SRRM2: variants seen among roughly 807,000 people sequenced by gnomAD.
SRRM2 encodes serine/arginine repetitive matrix protein 2.
SRRM2 carries 30 observed loss-of-function variants against 213.8 expected under a neutral mutation model. The observed-to-expected ratio is 0.14, with a 90% CI of 0.10 to 0.19. The LOEUF (loss-of-function observed/expected upper bound fraction) is 0.19. Among genes scored for constraint, SRRM2 ranks in the 10% least tolerant of loss-of-function variants. SRRM2 has a pLI of 1.00. For missense variants in SRRM2, 4,904 were observed against 3,647.0 expected, an observed-to-expected ratio of 1.34 and a Z score of -8.88; for synonymous variants, 2,025 against 1,377.7, an observed-to-expected ratio of 1.47 and a Z score of -10.40.
At position 2,766,630 on chromosome 16, in the gene SRRM2, G is replaced by A. The variant is rs141536792; in HGVS notation, c.6102G>A (p.Thr2034=). 6.8e-6 allele frequency: 11 copies of A among 1,612,956 alleles called. No homozygotes were observed. Among genetic ancestry groups the A allele is most frequent in the Admixed American group, 5.0e-5 (3 of 59,892 alleles). ...TTCGGCGCCGCTCTAGATCTCGAACGCCACTGTTACCACGCAAACGTTCTC... is the reference window on the plus strand; with the variant it reads ...TTCGGCGCCGCTCTAGATCTCGAACACCACTGTTACCACGCAAACGTTCTC... ...PAIRRRSRSR[T]PLLPRKRSRS... Residue 2034 remains threonine, a synonymous_variant, in exon 11 of 15, where the codon ACG becomes ACA. Coordinates refer to ENST00000301740, the MANE Select transcript of SRRM2 (RefSeq NM_016333.4). This position sits in a 1 kb window ranked among gnomAD's most constrained non-coding sequence, Gnocchi z 7.0.
chr16:2,759,328 T>C (rs1204484407), intron 7 of SRRM2, 24 bp from the exon 8 acceptor site: 6 of 1,609,966 alleles, frequency 3.7e-6, no homozygotes, highest in Admixed American at 1.7e-5. Flanking sequence ...AAGTTACTTT[T>C]AACAACCTTT....
chr16:2,759,191 A>T lies in SRRM2; in HGVS notation c.689+19A>T, dbSNP rs749886915. 1 of 1,613,790 alleles carries T rather than the reference A, an allele frequency of 6.2e-7. No homozygotes were observed. Among genetic ancestry groups the T allele is most frequent in the East Asian group, 2.2e-5 (1 of 44,888 alleles). On this transcript the variant is annotated intron_variant, in intron 7 of 14. Coordinates refer to ENST00000301740, the MANE Select transcript of SRRM2 (RefSeq NM_016333.4). ...AGCATAGGTAAGAGCTCTTTAACTC[A>T]TAGGGGGCGCAGTGGCATGTGGAGT... is the stretch of plus-strand genomic sequence containing the variant.
At chr16:2,759,850 TTTTG>T (rs2068276587) in intron 9 of SRRM2, 189 bp downstream of exon 9, 2 of 583,486 alleles carry the variant, frequency 3.4e-6, no homozygotes, top group Non-Finnish European at 6.0e-6. Context: ...CTCTTTTTTT[TTTTG>T]TTTTTGTTTA....
rs768586429 is a variant in SRRM2 at position 2,766,779 on chromosome 16, G to C, written c.6251G>C (p.Ser2084Thr). 1.9e-5 allele frequency: 31 copies of C among 1,614,072 alleles called. No individual in the cohort carries two copies. The highest frequency in any genetic ancestry group is 2.5e-5 in the Non-Finnish European group (29 of 1,180,038). The change falls in exon 11 of 15, where the codon AGT becomes ACT. Residue 2084 changes from serine (S) to threonine (T), a missense_variant. Ser to Thr is a moderately conservative substitution (Grantham distance 58, BLOSUM62 1). Transcript: ENST00000301740. The surrounding 1 kb of genome is among the most constrained non-coding windows in gnomAD (Gnocchi z 7.0). ...AIRRRSASGS[S>T]SDRSRSATPP... is the part of the protein sequence containing the mutation. ...CGCAGGCGTTCTGCATCTGGAAGTA[G>C]TTCTGATCGTTCACGATCTGCTACT...
chr16:2,766,173 T>C lies in SRRM2; in HGVS notation c.5645T>C (p.Leu1882Pro), dbSNP rs201870119. The C allele has an allele frequency of 3.7e-6, 6 of 1,614,060 alleles. No individual in the cohort carries two copies. In the Admixed American group the frequency reaches 8.3e-5, roughly 22 times the overall value. The stretch of plus-strand genomic sequence containing the variant: ...CGGCGATCCAGGTCCAGAACCCCCC[T>C]GATAAGCCGACGTAGGTCCAGATCT... ...THRRSRSRTP[L>P]ISRRRSRSRT... The change falls in exon 11 of 15, where the codon CTG (leucine) becomes CCG (proline). Residue 1882 changes from leucine (L) to proline (P), a missense_variant. By Grantham distance (98) the Leu-to-Pro change is moderately conservative. Coordinates refer to ENST00000301740, the MANE Select transcript of SRRM2 (RefSeq NM_016333.4). This position sits in a 1 kb window ranked among gnomAD's most constrained non-coding sequence, Gnocchi z 7.0.
intron 8 of SRRM2, 68 bp downstream of exon 8, chr16:2,759,470 T>C: frequency 6.3e-7 from 1 of 1,597,720 alleles, no homozygotes; most frequent in Non-Finnish European, 8.5e-7. Flanking sequence ...GGGAGTTGAA[T>C]GAGTTATGTC....
At chr16:2,760,561 T>C (rs915024530) in intron 10 of SRRM2, 62 bp downstream of exon 10, 2 of 1,576,672 alleles carry the variant, frequency 1.3e-6, no homozygotes, top group African/African-American at 1.3e-5. Flanking sequence ...GATAGACATG[T>C]GATGTGAAAG....
rs1420629658 is a variant in SRRM2, at chr16:2,761,794, A to G, written c.1266A>G (p.Pro422=). ...LPQSSSSESS[P]PSPQPTKVSR... is the part of the protein sequence containing the mutation. ...AGTCTTCTTCCTCAGAGAGCAGCCC[A>G]CCATCCCCTCAACCTACCAAAGTTT... is the stretch of plus-strand genomic sequence containing the variant. Residue 422 remains proline, a synonymous_variant, in exon 11 of 15, where the codon CCA becomes CCG. Coordinates refer to ENST00000301740, the MANE Select transcript of SRRM2 (RefSeq NM_016333.4). 1.7e-5 allele frequency: 27 copies of G among 1,613,654 alleles called. No individual in the cohort carries two copies. Among genetic ancestry groups the G allele is most frequent in the Non-Finnish European group, 2.3e-5 (27 of 1,179,938 alleles).
Position 2,764,411 on chromosome 16 carries a change from G to A in SRRM2, c.3883G>A (p.Ala1295Thr), listed in dbSNP as rs563915503. The change falls in exon 11 of 15, where the codon GCA becomes ACA. Residue 1295 changes from alanine to threonine, a missense_variant. Ala to Thr is a moderately conservative substitution (Grantham distance 58, BLOSUM62 0). Transcript: ENST00000301740. The part of the protein sequence containing the change: ...DQSQSQASLE[A>T]VEVPSMASSW... ...GAGCCAGTCACAGGCTTCTTTGGAAGCAGTAGAAGTCCCTTCAATGGCCTC... is the reference window on the plus strand; with the variant it reads ...GAGCCAGTCACAGGCTTCTTTGGAAACAGTAGAAGTCCCTTCAATGGCCTC... 6.2e-7 allele frequency: 1 copy of A among 1,612,752 alleles called. No individual in the cohort carries two copies. Among genetic ancestry groups the A allele is most frequent in the Admixed American group, 1.7e-5 (1 of 59,690 alleles).
In SRRM2 at chr16:2,766,960, A is replaced by G. The variant is rs777159421; in HGVS notation, c.6432A>G (p.Thr2144=). 2 of 1,613,948 alleles carry G rather than the reference A, an allele frequency of 1.2e-6. No homozygotes were observed. The highest frequency in any genetic ancestry group is 4.5e-5 in the East Asian group (2 of 44,870). Reference sequence around the variant, plus strand: ...TTGAACCCCTTGGCAGCTCTAGAACACCCATGTCTGTCCTGCAGCAAGCCG... The same window carrying G: ...TTGAACCCCTTGGCAGCTCTAGAACGCCCATGTCTGTCCTGCAGCAAGCCG... ...GMLEPLGSSR[T]PMSVLQQAGG... Residue 2144 remains threonine, a synonymous_variant, in exon 11 of 15, where the codon ACA becomes ACG. Transcript: ENST00000301740. The surrounding 1 kb of genome is among the most constrained non-coding windows in gnomAD (Gnocchi z 7.0).
At position 2,766,364 on chromosome 16, in the gene SRRM2, T is replaced by C; in HGVS notation, c.5836T>C (p.Ser1946Pro). 6.2e-7 allele frequency: 1 copy of C among 1,614,024 alleles called. No homozygotes were observed. Residue 1946 changes from serine (S) to proline (P), a missense_variant, in exon 11 of 15, where the codon TCC becomes CCC. Coordinates refer to ENST00000301740, the MANE Select transcript of SRRM2 (RefSeq NM_016333.4). The surrounding 1 kb of genome is among the most constrained non-coding windows in gnomAD (Gnocchi z 7.0). The stretch of plus-strand genomic sequence containing the variant: ...TAGAACGCCAACAACACGCCGCCGC[T>C]CCCGTTCTAGAACTCCACCAGTGAC... ...RSRTPTTRRR[S>P]RSRTPPVTRR...
At chr16:2,769,378 A>C in intron 12 of SRRM2, 94 bp downstream of exon 12, 17 of 1,420,978 alleles carry the variant, frequency 1.2e-5, no homozygotes, top group Non-Finnish European at 1.6e-5. Flanking sequence ...TGGGTGTCTC[A>C]CGTGGCCTTG....
rs1335041774 is a variant in SRRM2, at chr16:2,762,578, A to G, written c.2050A>G (p.Arg684Gly). The G allele has an allele frequency of 6.2e-7, 1 of 1,614,146 alleles. No individual in the cohort carries two copies. Among genetic ancestry groups the G allele is most frequent in the South Asian group, 1.1e-5 (1 of 91,080 alleles). The change falls in exon 11 of 15, where the codon AGA becomes GGA. Residue 684 changes from arginine (R) to glycine (G), a missense_variant. Physicochemically the swap from Arg to Gly is moderately radical, Grantham distance 125. Coordinates refer to ENST00000301740, the MANE Select transcript of SRRM2 (RefSeq NM_016333.4). ...TAGACGCAGTGGTCGCTCACGCTCC[A>G]GAACACCAGCCAGGAGAGGGAGGTC... ...PARRSGRSRS[R>G]TPARRGRSRS...
rs757896163 is a variant in SRRM2 at position 2,769,150 on chromosome 16, C to G, written c.7887C>G (p.Ser2629=). 6.2e-7 allele frequency: 1 copy of G among 1,611,682 alleles called. No individual in the cohort carries two copies. Among genetic ancestry groups the G allele is most frequent in the African/African-American group, 1.3e-5 (1 of 74,936 alleles). Reference sequence around the variant, plus strand: ...CCTCCTCCTCCTCCTCTTCTTCCTCCTCCTCTTCCTCTTCTTCTTCTTCCT... The same window carrying G: ...CCTCCTCCTCCTCCTCTTCTTCCTCGTCCTCTTCCTCTTCTTCTTCTTCCT... ...SSSSSSSSSS[S]SSSSSSSSSS... is the part of the protein sequence containing the mutation. Residue 2629 remains serine, a synonymous_variant, in exon 12 of 15, where the codon TCC becomes TCG. Transcript: ENST00000301740.
chr16:2,768,137 T>C lies in SRRM2; in HGVS notation c.7609T>C (p.Ser2537Pro). The change falls in exon 11 of 15, where the codon TCG (serine) becomes CCG (proline). Residue 2537 changes from serine to proline, a missense_variant. Ser to Pro is a moderately conservative substitution (Grantham distance 74, BLOSUM62 -1). Transcript: ENST00000301740. ...GGAGCGGCGGAGTTCCTCCTCGTCG[T>C]CGTCGTCCTCTAGCTCCTCCTCTTC... The part of the protein sequence containing the change: ...AKERRSSSSS[S>P]SSSSSSSSSS... 1 of 1,613,666 alleles carries C rather than the reference T, an allele frequency of 6.2e-7. No homozygotes were observed. Among genetic ancestry groups the C allele is most frequent in the Non-Finnish European group, 8.5e-7 (1 of 1,179,678 alleles).
chr16:2,770,575 T>G (rs1360425310), intron 13 of SRRM2, 29 bp from the exon 14 acceptor site: 1 of 1,551,666 alleles, frequency 6.4e-7, no homozygotes, highest in Admixed American at 2.0e-5. Context: ...GGTGCCACCC[T>G]GTGGCCTGAT....
At position 2,765,695 on chromosome 16, in the gene SRRM2, A is replaced by G. The variant is rs1165506276; in HGVS notation, c.5167A>G (p.Arg1723Gly). The G allele has an allele frequency of 1.2e-6, 2 of 1,614,110 alleles. No individual in the cohort carries two copies. The highest frequency in any genetic ancestry group is 1.1e-5 in the South Asian group (1 of 91,076). ...AGAAACTCGCTCTAGAACTCCCCCA[A>G]GGCACCGGAGAAGTCCCTCAGTGTC... ...SPETRSRTPPRHRRSPSVSSP... is the reference protein window; with the variant it reads ...SPETRSRTPPGHRRSPSVSSP... The change falls in exon 11 of 15, where the codon AGG becomes GGG. Residue 1723 changes from arginine to glycine, a missense_variant. Coordinates refer to ENST00000301740, the MANE Select transcript of SRRM2 (RefSeq NM_016333.4).
At position 2,768,169 on chromosome 16, in the gene SRRM2, ATCGTCG is replaced by A. The variant is rs756483383; in HGVS notation, c.7650_7655del (p.Ser2555_Ser2556del). The A allele has an allele frequency of 1.1e-5, 18 of 1,610,456 alleles. No homozygotes were observed. Among genetic ancestry groups the A allele is most frequent in the East Asian group, 2.2e-5 (1 of 44,812 alleles). ...CCTCTAGCTCCTCCTCTTCTTCATC[ATCGTCG>A]TCGTCGTCCTCCTCCTCCTCTGGCT... On this transcript the variant is annotated inframe_deletion, in exon 11 of 15. Transcript: ENST00000301740.
At chr16:2,760,707 A>C (rs992697952) in intron 10 of SRRM2, 9 of 576,248 alleles carry the variant, frequency 1.6e-5, no homozygotes, top group East Asian at 3.0e-5. Context: ...ATCAAATCTC[A>C]CTGGATGTTA....
Sources: allele counts gnomAD v4.1 joint callset, GRCh38; gene constraint gnomAD v4.1.1; non-coding constraint Gnocchi (gnomAD v3.1); transcripts MANE v1.5; gene names NCBI Gene and HGNC (gene_info 2026-07-23, HGNC 2026-07-21).